FHL2: variants seen among roughly 807,000 people sequenced by gnomAD.
FHL2 encodes four and a half LIM domains 2.
In FHL2, 20 loss-of-function variants were observed where a neutral mutation model predicts 32.7. That is an observed-to-expected ratio of 0.61 (90% confidence interval 0.43 to 0.89). FHL2 has a LOEUF of 0.89. FHL2 is among the 40% of genes least tolerant of loss of function. The pLI is 0.00. For synonymous variants in FHL2, 123 were observed against 128.1 expected (o/e 0.96, Z 0.27); for missense variants, 311 against 358.6 (o/e 0.87, Z 1.07).
rs1440214197 is a variant in FHL2, at chr2:105,363,474, G to T, written c.502-3C>A. On this transcript the variant is annotated splice_region_variant and splice_polypyrimidine_tract_variant and intron_variant, in intron 5 of 6. Coordinates refer to ENST00000530340, the MANE Select transcript of FHL2 (RefSeq NM_001318895.3). ...GTGACCCCTCCCGTGGTGATGGGCT[G>T]CAGGGACGAGGGGGAGAGTTAGTGT... The T allele has an allele frequency of 6.2e-7, 1 of 1,602,616 alleles. No individual in the cohort carries two copies. The highest frequency in any genetic ancestry group is 8.5e-7 in the Non-Finnish European group (1 of 1,174,372).
At chr2:105,390,352 T>C (rs1216635027) in intron 2 of FHL2, 1 of 152,482 alleles carries the variant, frequency 6.6e-6, no homozygotes, top group Admixed American at 6.5e-5. Flanking sequence ...AGTGATATGA[T>C]GAATATCATT....
At position 105,396,698 on chromosome 2, in the gene FHL2, C is replaced by T; in HGVS notation, c.-75-1G>A. 6.2e-7 allele frequency: 1 copy of T among 1,612,724 alleles called. No individual in the cohort carries two copies. The highest frequency in any genetic ancestry group is 1.6e-4 in the Middle Eastern group (1 of 6,062). Reference sequence around the variant, plus strand: ...TCCAGGAAGACACAGTTCTCAGCCACTAGAGAAAGCACACGTGTTTTGTTT... The same window carrying T: ...TCCAGGAAGACACAGTTCTCAGCCATTAGAGAAAGCACACGTGTTTTGTTT... On this transcript the variant is annotated splice_acceptor_variant, in intron 1 of 6. Coordinates refer to ENST00000530340, the MANE Select transcript of FHL2 (RefSeq NM_001318895.3). LOFTEE classifies it low-confidence loss of function (5UTR_SPLICE).
At chr2:105,408,217 C>T (rs957962096) in intron 1 of FHL2, among the ~76,000 whole-genome samples, 1 of 152,276 alleles carries the variant, frequency 6.6e-6, no homozygotes, top group South Asian at 2.1e-4. Flanking sequence ...GCCTTTCAAC[C>T]CTACCTGTTT....
chr2:105,433,878 T>C (rs1684512895), intron 1 of FHL2, among the ~76,000 whole-genome samples: 1 of 152,224 alleles, frequency 6.6e-6, no homozygotes, highest in African/African-American at 2.4e-5. Flanking sequence ...TCAAGAGACT[T>C]TCTTATTTCA....
chr2:105,413,111 C>G (rs1393417883), intron 1 of FHL2, among the ~76,000 whole-genome samples: 1 of 152,162 alleles, frequency 6.6e-6, no homozygotes, highest in Non-Finnish European at 1.5e-5. Context: ...CTGGTTCCAT[C>G]CCTTCCACCA....
chr2:105,420,347 T>C (rs1684062611), intron 1 of FHL2, among the ~76,000 whole-genome samples: 1 of 152,016 alleles, frequency 6.6e-6, no homozygotes, highest in Admixed American at 6.6e-5. Context: ...TGCCCAAATG[T>C]CCCCCTAATA....
intron 1 of FHL2, among the ~76,000 whole-genome samples, chr2:105,421,587 T>C (rs1282290628): frequency 2.0e-5 from 3 of 151,932 alleles, no homozygotes; most frequent in African/African-American, 7.3e-5. Context: ...ATGCTCCAGA[T>C]GAAAGAAATC....
At chr2:105,410,778 A>T (rs1316944472) in intron 1 of FHL2, among the ~76,000 whole-genome samples, 1 of 152,172 alleles carries the variant, frequency 6.6e-6, no homozygotes, top group African/African-American at 2.4e-5. Flanking sequence ...GTGGAAAAAA[A>T]ATGCTGCCAG....
At chr2:105,395,294 C>A (rs983266146) in intron 2 of FHL2, among the ~76,000 whole-genome samples, 10 of 152,222 alleles carry the variant, frequency 6.6e-5, no homozygotes, top group Non-Finnish European at 1.3e-4. Flanking sequence ...GTGTGGGGAC[C>A]AAGGGAGACT....
intron 1 of FHL2, among the ~76,000 whole-genome samples, chr2:105,434,694 ATTAATAATAATGT>A (rs1684536422): frequency 6.6e-6 from 1 of 152,242 alleles, no homozygotes; most frequent in African/African-American, 2.4e-5. Context: ...TAATAACAAA[ATTAATAATAATGT>A]TTACCTATAG....
chr2:105,399,414 T>C, upstream of FHL2: 3 of 1,536,064 alleles, frequency 2.0e-6, no homozygotes, highest in Non-Finnish European at 2.6e-6. Flanking sequence ...CCCCAGGACG[T>C]GCCGGGGGAG....
chr2:105,376,255 G>A (rs568257015), intron 3 of FHL2: 4 of 152,300 alleles, frequency 2.6e-5, no homozygotes, highest in African/African-American at 4.8e-5. Flanking sequence ...CTCCTGATGC[G>A]AAAGTTATTT....
intron 5 of FHL2, among the ~76,000 whole-genome samples, chr2:105,365,616 G>GA (rs780685904): frequency 1.4e-5 from 2 of 140,668 alleles, no homozygotes; most frequent in Non-Finnish European, 3.1e-5. Flanking sequence ...TAAGAATAAA[G>GA]AAAAAAACAG....
At chr2:105,397,901 T>G (rs1313593495) in intron 1 of FHL2, among the ~76,000 whole-genome samples, 1 of 149,418 alleles carries the variant, frequency 6.7e-6, no homozygotes, top group Non-Finnish European at 1.5e-5. Context: ...TTTTTTTGTC[T>G]AAAACATCTT....
At chr2:105,414,763 G>T (rs545367727) in intron 1 of FHL2, among the ~76,000 whole-genome samples, 1 of 152,196 alleles carries the variant, frequency 6.6e-6, no homozygotes, top group Non-Finnish European at 1.5e-5. Context: ...ATGTTGGCCA[G>T]GCTGGTCTCC....
intron 1 of FHL2, among the ~76,000 whole-genome samples, chr2:105,411,391 T>C (rs541712541): frequency 3.3e-5 from 5 of 152,166 alleles, no homozygotes; most frequent in Non-Finnish European, 7.3e-5. Flanking sequence ...AAAAGTATAA[T>C]GTACAATTTT....
At chr2:105,426,671 G>A (rs1684277552) in intron 1 of FHL2, among the ~76,000 whole-genome samples, 1 of 152,226 alleles carries the variant, frequency 6.6e-6, no homozygotes, top group African/African-American at 2.4e-5. Context: ...CAATGCAGAA[G>A]GGGGGCCAGG....
At chr2:105,384,185 A>T (rs1682119649) in intron 3 of FHL2, among the ~76,000 whole-genome samples, 2 of 152,212 alleles carry the variant, frequency 1.3e-5, no homozygotes, top group South Asian at 2.1e-4. Flanking sequence ...TTGCCAGATG[A>T]TATCTGAACC....
chr2:105,403,462 G>A (rs532554116), upstream of FHL2, among the ~76,000 whole-genome samples: 50 of 152,150 alleles, frequency 3.3e-4, no homozygotes, highest in Middle Eastern at 6.8e-3. Context: ...ACGTTTTCCC[G>A]TCTCTCCTGT....
Sources: allele counts gnomAD v4.1 joint callset (sites outside exome capture counted in the v4.1 genomes callset), GRCh38; gene constraint gnomAD v4.1.1; transcripts MANE v1.5; gene names NCBI Gene and HGNC (gene_info 2026-07-23, HGNC 2026-07-21).